Variants in MARCHF10 observed in about 807,000 individuals in gnomAD.
The protein encoded by MARCHF10 is probable E3 ubiquitin-protein ligase MARCHF10.
In MARCHF10, 64 loss-of-function variants were observed where a neutral mutation model predicts 76.2. The ratio of observed to expected loss-of-function variants is 0.84; its 90% CI spans 0.69 to 1.03. MARCHF10 has a LOEUF of 1.03. Among genes scored for constraint, MARCHF10 ranks in the 50% least tolerant of loss-of-function variants. The pLI, the probability that MARCHF10 is intolerant of heterozygous loss-of-function variation, is 0.00. For missense variants in MARCHF10, 875 were observed against 958.0 expected (o/e 0.91, Z 1.14); for synonymous variants, 340 against 357.5 (o/e 0.95, Z 0.55).
At chr17:62,792,549 A>ACCAC (rs1445237699) in intron 2 of MARCHF10, among the ~76,000 whole-genome samples, 1 of 150,212 alleles carries the variant, frequency 6.7e-6, no homozygotes, top group African/African-American at 2.5e-5. Flanking sequence ...CACCACCTGC[A>ACCAC]CCACCACCAC....
At chr17:62,798,031 A>G (rs1321169449) in intron 2 of MARCHF10, among the ~76,000 whole-genome samples, 2 of 152,230 alleles carry the variant, frequency 1.3e-5, no homozygotes, top group Non-Finnish European at 2.9e-5. Context: ...AACCATGGAC[A>G]TATTTGATTT....
intron 8 of MARCHF10, among the ~76,000 whole-genome samples, chr17:62,713,484 C>T (rs760606524): frequency 6.6e-6 from 1 of 152,346 alleles, no homozygotes; most frequent in East Asian, 1.9e-4. Context: ...TGGGAGGGAA[C>T]CTGCCACACA....
chr17:62,719,861 C>A (rs911711272), intron 8 of MARCHF10, among the ~76,000 whole-genome samples: 2 of 152,008 alleles, frequency 1.3e-5, no homozygotes, highest in Admixed American at 1.3e-4. Context: ...GTTTTCTTTT[C>A]TTTTTTTCCA....
chr17:62,721,748 T>C (rs2090497602), intron 8 of MARCHF10, among the ~76,000 whole-genome samples: 1 of 152,156 alleles, frequency 6.6e-6, no homozygotes, highest in Non-Finnish European at 1.5e-5. Flanking sequence ...ATTTACCTCA[T>C]GTTCATTAGC....
At chr17:62,797,934 T>C (rs913842734) in intron 2 of MARCHF10, among the ~76,000 whole-genome samples, 2 of 151,996 alleles carry the variant, frequency 1.3e-5, no homozygotes, top group African/African-American at 2.4e-5. Context: ...ACTTGGTAAC[T>C]GGTGGGATGG....
rs1340355713 is a variant in MARCHF10, at chr17:62,743,386, G to A, written c.535+990C>T. Among the ~76,000 whole-genome samples, 5 of 152,158 alleles carry A rather than the reference G, an allele frequency of 3.3e-5. No individual in the cohort carries two copies. The East Asian group carries it at 7.7e-4, about 23-fold the overall frequency. ...AGGCAGGCCGGGTGCCATGGCTCAC[G>A]CCTGTAATCCCAGCACTTTGGGAGG... On this transcript the variant is annotated intron_variant, in intron 5 of 10. Coordinates refer to ENST00000311269, the MANE Select transcript of MARCHF10 (RefSeq NM_152598.4).
intron 6 of MARCHF10, among the ~76,000 whole-genome samples, chr17:62,733,934 G>C (rs957451998): frequency 1.3e-5 from 2 of 152,116 alleles, no homozygotes; most frequent in Non-Finnish European, 2.9e-5. Context: ...CTGTAATCCA[G>C]GACTTTGGGA....
chr17:62,793,394 C>CCAT (rs2092913001), intron 2 of MARCHF10, among the ~76,000 whole-genome samples: 3 of 147,562 alleles, frequency 2.0e-5, no homozygotes, highest in African/African-American at 7.5e-5. Flanking sequence ...ATTACCACCA[C>CCAT]GACCTCCATC....
Position 62,758,339 on chromosome 17 carries a change from ACT to A in MARCHF10, c.382+1494_382+1495del. On this transcript the variant is annotated intron_variant, in intron 4 of 10. Transcript: ENST00000311269. ...ACTCCAGCCTGGGCAACAGAGCGAG[ACT>A]CTGTCTCAACAGAAACAAACAAACA... Among the ~76,000 whole-genome samples, 2 of 152,252 alleles carry A rather than the reference ACT, an allele frequency of 1.3e-5. 1 individual carries two copies.
chr17:62,715,577 C>T (rs1264917476), intron 8 of MARCHF10, among the ~76,000 whole-genome samples: 1 of 152,214 alleles, frequency 6.6e-6, no homozygotes, highest in African/African-American at 2.4e-5. Flanking sequence ...AGGCGACAGC[C>T]AACGCTCACA....
At chr17:62,739,579 C>T (rs1410510159) in intron 5 of MARCHF10, among the ~76,000 whole-genome samples, 3 of 152,028 alleles carry the variant, frequency 2.0e-5, no homozygotes. Flanking sequence ...CAGGGTTTCT[C>T]CATGTTGGTC....
intron 2 of MARCHF10, among the ~76,000 whole-genome samples, chr17:62,800,860 G>A (rs1598084719): frequency 1.3e-5 from 2 of 152,268 alleles, no homozygotes; most frequent in Admixed American, 6.5e-5. Context: ...GGTTTTGCAC[G>A]TAAACACTGT....
intron 3 of MARCHF10, among the ~76,000 whole-genome samples, chr17:62,780,181 C>A (rs962687577): frequency 2.6e-5 from 2 of 75,548 alleles, no homozygotes; most frequent in African/African-American, 5.1e-5. Context: ...GTGGCTAGTG[C>A]CACTAGGGAT....
At chr17:62,764,820 C>G (rs894037134) in intron 3 of MARCHF10, among the ~76,000 whole-genome samples, 14 of 152,218 alleles carry the variant, frequency 9.2e-5, no homozygotes, top group African/African-American at 3.4e-4. Flanking sequence ...ACTCTTACAG[C>G]AGCAAAATCC....
rs747836346 is a variant in MARCHF10 at position 62,737,295 on chromosome 17, A to C, written c.573T>G (p.Thr191=). Residue 191 remains threonine (T), a synonymous_variant, in exon 6 of 11, where the codon ACT becomes ACG. Coordinates refer to ENST00000311269, the MANE Select transcript of MARCHF10 (RefSeq NM_152598.4). ...TCTCTTGATTTGGCCTCTTCAGCTT[A>C]GTGTTACACATCAGGCCTTCTTGTT... The part of the protein sequence containing the change: ...VVQQEGLMCN[T]KLKRPNQERR... The C allele has an allele frequency of 1.6e-4, 255 of 1,612,600 alleles. No individual in the cohort carries two copies. Among genetic ancestry groups the C allele is most frequent in the Non-Finnish European group, 1.9e-4 (223 of 1,179,764 alleles).
At chr17:62,760,992 T>C (rs2092187037) in intron 3 of MARCHF10, among the ~76,000 whole-genome samples, 1 of 152,226 alleles carries the variant, frequency 6.6e-6, no homozygotes, top group Non-Finnish European at 1.5e-5. Context: ...GCAATTTGTA[T>C]TGATCTTGCT....
At chr17:62,715,029 G>T (rs1183575999) in intron 8 of MARCHF10, among the ~76,000 whole-genome samples, 1 of 152,194 alleles carries the variant, frequency 6.6e-6, no homozygotes, top group Non-Finnish European at 1.5e-5. Context: ...TTACAGGCGT[G>T]AGTCACCGCG....
intron 3 of MARCHF10, among the ~76,000 whole-genome samples, chr17:62,774,229 A>T (rs940267146): frequency 1.1e-4 from 16 of 152,038 alleles, no homozygotes; most frequent in Non-Finnish European, 2.9e-5. Context: ...GCTATTGGGG[A>T]TGGGGGTGGC....
intron 4 of MARCHF10, among the ~76,000 whole-genome samples, chr17:62,745,764 T>C (rs1461475373): frequency 6.6e-6 from 1 of 152,244 alleles, no homozygotes; most frequent in East Asian, 1.9e-4. Flanking sequence ...GGGTTGCTAA[T>C]TGATACAGTT....
Sources: gnomAD v4.1 joint callset for allele counts (sites outside exome capture counted in the v4.1 genomes callset) on GRCh38, gnomAD v4.1.1 for gene constraint, MANE v1.5 for transcripts, NCBI Gene and HGNC (gene_info 2026-07-23, HGNC 2026-07-21) for gene names.